Variants in KIAA0825 observed in about 807,000 individuals in gnomAD.
KIAA0825 encodes uncharacterized protein KIAA0825.
In KIAA0825, 119 loss-of-function variants were observed where a neutral mutation model predicts 147.6. The observed-to-expected ratio is 0.81, with a 90% CI of 0.69 to 0.94. The LOEUF (loss-of-function observed/expected upper bound fraction) is 0.94. KIAA0825 is among the 40% of genes least tolerant of loss of function. The pLI, the probability that KIAA0825 is intolerant of heterozygous loss-of-function variation, is 0.00. For missense variants in KIAA0825, 1,381 were observed against 1,472.7 expected (o/e 0.94, Z 1.02); for synonymous variants, 470 against 518.1 (o/e 0.91, Z 1.26).
intron 5 of KIAA0825, among the ~76,000 whole-genome samples, chr5:94,516,960 C>T (rs1433107795): frequency 1.3e-5 from 2 of 151,870 alleles, no homozygotes; most frequent in African/African-American, 4.8e-5. Flanking sequence ...ATTAACCGGG[C>T]ATGGTAGTGC....
intron 2 of KIAA0825, among the ~76,000 whole-genome samples, chr5:94,556,107 C>T (rs1776494309): frequency 6.6e-6 from 1 of 151,362 alleles, no homozygotes; most frequent in Non-Finnish European, 1.5e-5. Context: ...GGCTGGAGTG[C>T]AGTGGTGCGA....
chr5:94,252,100 T>A (rs1475809742), intron 20 of KIAA0825, among the ~76,000 whole-genome samples: 2 of 152,190 alleles, frequency 1.3e-5, no homozygotes, highest in East Asian at 3.9e-4. Flanking sequence ...GATTTGGTAA[T>A]CTTATGCTAT....
intron 2 of KIAA0825, among the ~76,000 whole-genome samples, chr5:94,553,344 G>A (rs1775897500): frequency 6.6e-6 from 1 of 151,380 alleles, no homozygotes; most frequent in African/African-American, 2.4e-5. Context: ...GGAGGCTGAG[G>A]CAGGAGAATC....
intron 14 of KIAA0825, among the ~76,000 whole-genome samples, chr5:94,418,420 G>T (rs561466223): frequency 2.7e-4 from 41 of 151,926 alleles, no homozygotes; most frequent in African/African-American, 9.9e-4. Context: ...CTTTAGCAAG[G>T]TATCCCTGCT....
At chr5:94,157,277 C>A (rs1015245680) in intron 20 of KIAA0825, among the ~76,000 whole-genome samples, 1 of 152,122 alleles carries the variant, frequency 6.6e-6, no homozygotes, top group African/African-American at 2.4e-5. Context: ...GAATTGCAAC[C>A]TGGCCCCACA....
At chr5:94,388,731 C>A (rs1749514403) in intron 18 of KIAA0825, among the ~76,000 whole-genome samples, 1 of 152,212 alleles carries the variant, frequency 6.6e-6, no homozygotes, top group Non-Finnish European at 1.5e-5. Context: ...CACTGACAGT[C>A]ATCACTAACC....
intron 5 of KIAA0825, among the ~76,000 whole-genome samples, chr5:94,517,566 A>C (rs1177753800): frequency 6.6e-6 from 1 of 151,990 alleles, no homozygotes; most frequent in Non-Finnish European, 1.5e-5. Flanking sequence ...ATAAGCATGG[A>C]AAGGTAAGAC....
At chr5:94,156,361 A>G (rs552651236) in intron 20 of KIAA0825, among the ~76,000 whole-genome samples, 1 of 152,342 alleles carries the variant, frequency 6.6e-6, no homozygotes, top group African/African-American at 2.4e-5. Context: ...TACATAAAAG[A>G]ACCATCTAAG....
chr5:94,358,004 T>A (rs1477582470), intron 20 of KIAA0825, among the ~76,000 whole-genome samples: 1 of 152,184 alleles, frequency 6.6e-6, no homozygotes, highest in Non-Finnish European at 1.5e-5. Context: ...AGGACTTCTG[T>A]AATGCCAGCT....
At chr5:94,251,392 A>T (rs964989205) in intron 20 of KIAA0825, among the ~76,000 whole-genome samples, 1 of 152,106 alleles carries the variant, frequency 6.6e-6, no homozygotes, top group Non-Finnish European at 1.5e-5. Flanking sequence ...TATGCCACTT[A>T]ATTCATTATT....
At chr5:94,569,503 GA>G in intron 2 of KIAA0825, 1 of 410,634 alleles carries the variant, frequency 2.4e-6, no homozygotes, top group South Asian at 1.3e-4. Context: ...CCAATGATAT[GA>G]AAAACCATCG....
chr5:94,190,323 G>C (rs574622537), intron 20 of KIAA0825, among the ~76,000 whole-genome samples: 1 of 151,676 alleles, frequency 6.6e-6, no homozygotes, highest in Non-Finnish European at 1.5e-5. Context: ...TTTTTTGTTT[G>C]TTTGTTTGTT....
At chr5:94,366,563 A>C (rs1745884244) in intron 20 of KIAA0825, among the ~76,000 whole-genome samples, 1 of 152,168 alleles carries the variant, frequency 6.6e-6, no homozygotes, top group Non-Finnish European at 1.5e-5. Context: ...AGGATCAAAT[A>C]ATAGCTAGAA....
chr5:94,214,539 C>T (rs1773034924), intron 20 of KIAA0825, among the ~76,000 whole-genome samples: 1 of 152,168 alleles, frequency 6.6e-6, no homozygotes, highest in African/African-American at 2.4e-5. Context: ...GCCCTCCACT[C>T]TAGTGGCCCC....
intron 7 of KIAA0825, among the ~76,000 whole-genome samples, chr5:94,474,495 AAC>A (rs1761615769): frequency 6.6e-6 from 1 of 152,146 alleles, no homozygotes; most frequent in Non-Finnish European, 1.5e-5. Flanking sequence ...CTAGAAAAAC[AAC>A]AGAGTTGAAT....
intron 1 of KIAA0825, chr5:94,593,129 T>C: frequency 1.3e-6 from 1 of 745,588 alleles, no homozygotes; most frequent in Non-Finnish European, 2.5e-6. Context: ...GTGAATGTGT[T>C]ATACATCACA....
chr5:94,459,340 T>C (rs1048913812), intron 12 of KIAA0825, among the ~76,000 whole-genome samples: 6 of 152,150 alleles, frequency 3.9e-5, no homozygotes, highest in Admixed American at 3.9e-4. Context: ...GGACATAGTA[T>C]TTTCATTGCT....
intron 5 of KIAA0825, among the ~76,000 whole-genome samples, chr5:94,491,737 A>C (rs1763759963): frequency 6.6e-6 from 1 of 152,220 alleles, no homozygotes; most frequent in Non-Finnish European, 1.5e-5. Flanking sequence ...TACGACAAGG[A>C]ATATTTACAC....
chr5:94,318,152 T>G (rs1562374144), intron 20 of KIAA0825, among the ~76,000 whole-genome samples: 1 of 151,636 alleles, frequency 6.6e-6, no homozygotes, highest in Non-Finnish European at 1.5e-5. Context: ...ATAAAACAAT[T>G]TAAAAGCAAT....
Sources: allele counts gnomAD v4.1 joint callset (sites outside exome capture counted in the v4.1 genomes callset), GRCh38; gene constraint gnomAD v4.1.1; transcripts MANE v1.5; gene names NCBI Gene and HGNC (gene_info 2026-07-23, HGNC 2026-07-21).